Variants in GABRR2 observed in about 807,000 individuals in gnomAD.
GABRR2 encodes the protein gamma-aminobutyric acid receptor subunit rho-2.
A neutral mutation model predicts 47.0 loss-of-function variants in GABRR2; 36 were observed. The ratio of observed to expected loss-of-function variants is 0.77; its 90% CI spans 0.59 to 1.01. The LOEUF (loss-of-function observed/expected upper bound fraction) is 1.01. GABRR2 is among the 50% of genes least tolerant of loss of function. The pLI is 0.00. For synonymous variants in GABRR2, 204 were observed against 227.5 expected, an observed-to-expected ratio of 0.90 and a Z score of 0.93; for missense variants, 587 against 594.6, an observed-to-expected ratio of 0.99 and a Z score of 0.13.
intron 2 of GABRR2, among the ~76,000 whole-genome samples, chr6:89,283,399 C>T (rs909634756): frequency 4.6e-5 from 7 of 151,910 alleles, no homozygotes; most frequent in Non-Finnish European, 1.0e-4. Context: ...TTCAATAAGA[C>T]AGTTGGCAAA....
chr6:89,264,871 T>C (rs1773852360), intron 7 of GABRR2, among the ~76,000 whole-genome samples: 1 of 152,074 alleles, frequency 6.6e-6, no homozygotes. Context: ...AGAGGACCTA[T>C]TCTCATGTGG....
chr6:89,289,323 A>G (rs1774395341), intron 2 of GABRR2, among the ~76,000 whole-genome samples: 1 of 152,150 alleles, frequency 6.6e-6, no homozygotes, highest in Non-Finnish European at 1.5e-5. Context: ...GGAAGCCTTG[A>G]AGCTTCAGAG....
At chr6:89,271,581 C>T (rs1774050784) in intron 3 of GABRR2, 74 bp downstream of exon 3, 2 of 1,331,906 alleles carry the variant, frequency 1.5e-6, no homozygotes, top group Admixed American at 3.8e-5. Flanking sequence ...TCTGCCCACA[C>T]AGGCACAGCC....
chr6:89,267,604 T>TG, intron 6 of GABRR2, 75 bp downstream of exon 6: 6 of 1,235,824 alleles, frequency 4.9e-6, no homozygotes, highest in Non-Finnish European at 6.4e-6. Flanking sequence ...CATATTTTCC[T>TG]GGGGTTAAGG....
chr6:89,269,277 G>A, intron 3 of GABRR2, 43 bp from the exon 4 acceptor site: 1 of 1,474,806 alleles, frequency 6.8e-7, no homozygotes, highest in Non-Finnish European at 9.5e-7. Flanking sequence ...GGCTTAGAAG[G>A]TTTTCTTCCT....
At position 89,280,211 on chromosome 6, in the gene GABRR2, AATATATATATATATATATATATATAT is replaced by A. The variant is rs35295435; in HGVS notation, c.221-8515_221-8490del. ...ATGACAGAGACTTAGTCTAAAAACA[AATATATATATATATATATATATATAT>A]ATATATATATATATATACATACATA... On this transcript the variant is annotated intron_variant, in intron 2 of 8. Transcript: ENST00000402938. 1.4e-3 allele frequency among the ~76,000 whole-genome samples: 155 copies of A among 110,432 alleles called. 5 individuals carry two copies. Among genetic ancestry groups the A allele is most frequent in the Admixed American group, 3.8e-3 (40 of 10,410 alleles). 72.4% of individuals were successfully genotyped at this position (110,432 alleles called of 152,430 possible).
intron 2 of GABRR2, among the ~76,000 whole-genome samples, chr6:89,272,985 A>G (rs1446522158): frequency 1.3e-5 from 2 of 152,150 alleles, no homozygotes; most frequent in Non-Finnish European, 2.9e-5. Flanking sequence ...AGGCTTGCAA[A>G]CACTTGAAAT....
At chr6:89,274,290 C>T (rs1562365031) in intron 2 of GABRR2, among the ~76,000 whole-genome samples, 1 of 152,162 alleles carries the variant, frequency 6.6e-6, no homozygotes, top group Non-Finnish European at 1.5e-5. Flanking sequence ...CAGGGAAACT[C>T]GCACCTCAAG....
At chr6:89,260,242 C>T (rs115550377) in intron 8 of GABRR2, among the ~76,000 whole-genome samples, 1,828 of 152,250 alleles carry the variant, frequency 0.012, 54 homozygotes, top group African/African-American at 0.042. Context: ...TAATCACACC[C>T]AAACTGATAA....
chr6:89,302,141 A>C, intron 1 of GABRR2: 1 of 593,062 alleles, frequency 1.7e-6, no homozygotes, highest in African/African-American at 1.8e-5. Context: ...GGATGTGCGG[A>C]AGAAGTGTGA....
chr6:89,264,447 C>A lies in GABRR2; in HGVS notation c.1051G>T (p.Val351Leu). 6.2e-7 allele frequency: 1 copy of A among 1,614,012 alleles called. No homozygotes were observed. Among genetic ancestry groups the A allele is most frequent in the Non-Finnish European group, 8.5e-7 (1 of 1,179,950 alleles). Residue 351 changes from valine to leucine, a missense_variant, in exon 8 of 9, where the codon GTG becomes TTG. Val to Leu is a conservative substitution (Grantham distance 32). Transcript: ENST00000402938. ...EYAAVNYLTTVQERKERKLRE... is the reference protein window; with the variant it reads ...EYAAVNYLTTLQERKERKLRE... The stretch of plus-strand genomic sequence containing the variant: ...AGCTTCCGTTCCTTGCGCTCCTGCA[C>A]GGTGGTCAGGTAGTTGACAGCCGCA...
intron 3 of GABRR2, among the ~76,000 whole-genome samples, 186 bp downstream of exon 3, chr6:89,271,469 C>T (rs1774047851): frequency 6.6e-6 from 1 of 152,226 alleles, no homozygotes; most frequent in South Asian, 2.1e-4. Flanking sequence ...ATTTAACCAA[C>T]TCCTTAGGTT....
intron 8 of GABRR2, among the ~76,000 whole-genome samples, chr6:89,262,864 A>G (rs977470801): frequency 6.6e-6 from 1 of 152,238 alleles, no homozygotes; most frequent in African/African-American, 2.4e-5. Context: ...GTAGCAAGTC[A>G]GCATTATTTA....
At chr6:89,267,407 A>G (rs977885018) in intron 6 of GABRR2, among the ~76,000 whole-genome samples, 2 of 152,032 alleles carry the variant, frequency 1.3e-5, no homozygotes, top group Non-Finnish European at 2.9e-5. Context: ...CTCTACAAAA[A>G]AATTTTAAAA....
intron 2 of GABRR2, among the ~76,000 whole-genome samples, chr6:89,282,328 G>C (rs1297905359): frequency 1.3e-5 from 2 of 152,130 alleles, no homozygotes; most frequent in East Asian, 1.9e-4. Flanking sequence ...CCAGGGGTTG[G>C]GCTTGCCATG....
At chr6:89,314,020 GTTT>G (rs35891444) in intron 1 of GABRR2, among the ~76,000 whole-genome samples, 1 of 141,304 alleles carries the variant, frequency 7.1e-6, no homozygotes, top group Non-Finnish European at 1.5e-5. Context: ...TATATTCAGG[GTTT>G]TTTTTTTTTT....
chr6:89,300,272 A>G (rs749786810), intron 1 of GABRR2, among the ~76,000 whole-genome samples: 5 of 152,118 alleles, frequency 3.3e-5, no homozygotes, highest in Non-Finnish European at 5.9e-5. Context: ...CACTTTGGGA[A>G]GCTGAGGTGG....
chr6:89,310,477 A>G (rs1767662191), intron 1 of GABRR2, among the ~76,000 whole-genome samples: 1 of 152,144 alleles, frequency 6.6e-6, no homozygotes, highest in Non-Finnish European at 1.5e-5. Context: ...CAGTGTCCCC[A>G]GGACCTTGTC....
At chr6:89,269,801 G>A (rs1363405648) in intron 3 of GABRR2, among the ~76,000 whole-genome samples, 2 of 152,232 alleles carry the variant, frequency 1.3e-5, no homozygotes, top group East Asian at 1.9e-4. Flanking sequence ...AGATCGGGGA[G>A]ATAAATGGAT....
Sources: allele counts gnomAD v4.1 joint callset (sites outside exome capture counted in the v4.1 genomes callset), GRCh38; gene constraint gnomAD v4.1.1; transcripts MANE v1.5; gene names NCBI Gene and HGNC (gene_info 2026-07-23, HGNC 2026-07-21).